LRP1B: variants seen among roughly 807,000 people sequenced by gnomAD.
LRP1B encodes low-density lipoprotein receptor-related protein 1B.
A neutral mutation model predicts 556.6 loss-of-function variants in LRP1B; 217 were observed. The ratio of observed to expected loss-of-function variants is 0.39; its 90% CI spans 0.35 to 0.44. LRP1B has a LOEUF of 0.44. LRP1B is among the 20% of genes least tolerant of loss of function. LRP1B has a pLI of 1.00. For missense variants in LRP1B, 5,053 were observed against 5,620.8 expected (o/e 0.90, Z 3.23); for synonymous variants, 2,047 against 1,865.8 (o/e 1.10, Z -2.50).
chr2:141,921,206 C>A (rs1700176494), intron 1 of LRP1B, among the ~76,000 whole-genome samples: 1 of 151,932 alleles, frequency 6.6e-6, no homozygotes, highest in Non-Finnish European at 1.5e-5. Flanking sequence ...AAAGAAACTG[C>A]ATTTTAACGG....
At position 141,884,429 on chromosome 2, in the gene LRP1B, G is replaced by A. The variant is rs6759563; in HGVS notation, c.83-74028C>T. Among the ~76,000 whole-genome samples the A allele has an allele frequency of 3.2e-3, 489 of 152,154 alleles. 2 individuals carry two copies. Among genetic ancestry groups the A allele is most frequent in the African/African-American group, 0.011 (475 of 41,532 alleles). On this transcript the variant is annotated intron_variant, in intron 1 of 90. Transcript: ENST00000389484. ...ATCAAGGTAATTTTTCTGGATCTAAGAAATGTTAAAGATCTAAAGAGCCCA... is the reference window on the plus strand; with the variant it reads ...ATCAAGGTAATTTTTCTGGATCTAAAAAATGTTAAAGATCTAAAGAGCCCA...
intron 7 of LRP1B, among the ~76,000 whole-genome samples, chr2:141,079,439 CA>C (rs1428715993): frequency 6.6e-6 from 1 of 152,174 alleles, no homozygotes; most frequent in Non-Finnish European, 1.5e-5. Context: ...AGTTTTCCTA[CA>C]TATGTAAATA....
intron 7 of LRP1B, among the ~76,000 whole-genome samples, chr2:141,079,542 A>G (rs367631201): frequency 6.6e-6 from 1 of 152,218 alleles, no homozygotes; most frequent in African/African-American, 2.4e-5. Context: ...TGAGCACACT[A>G]TAATAATCCT....
intron 14 of LRP1B, among the ~76,000 whole-genome samples, chr2:141,007,658 A>C (rs1697616796): frequency 6.6e-6 from 1 of 151,750 alleles, no homozygotes; most frequent in African/African-American, 2.4e-5. Flanking sequence ...TTTTAGTAGC[A>C]TTCAGATTCT....
Position 141,498,104 on chromosome 2 carries a change from G to A in LRP1B, c.206-17571C>T, listed in dbSNP as rs1390163551. ...GAGCAAATGTACCTATATAACATTA[G>A]TATTTGATGCTAAGATACTATAAAG... On this transcript the variant is annotated intron_variant, in intron 2 of 90. Coordinates refer to ENST00000389484, the MANE Select transcript of LRP1B (RefSeq NM_018557.3). 3.3e-5 allele frequency among the ~76,000 whole-genome samples: 5 copies of A among 152,026 alleles called. No homozygotes were observed. In the East Asian group the frequency reaches 9.7e-4, roughly 29 times the overall value.
chr2:140,763,324 T>C (rs1320341160), intron 35 of LRP1B, among the ~76,000 whole-genome samples: 2 of 152,012 alleles, frequency 1.3e-5, no homozygotes, highest in Non-Finnish European at 2.9e-5. Context: ...CATTCAATTC[T>C]GAATGTACCA....
At chr2:140,551,919 A>T (rs865805169) in intron 43 of LRP1B, among the ~76,000 whole-genome samples, 1 of 152,198 alleles carries the variant, frequency 6.6e-6, no homozygotes, top group African/African-American at 2.4e-5. Context: ...TGTGCAATAC[A>T]TAATTTAATC....
intron 78 of LRP1B, 60 bp downstream of exon 78, chr2:140,335,555 C>T: frequency 6.0e-6 from 6 of 999,308 alleles, no homozygotes; most frequent in Non-Finnish European, 9.6e-6. Context: ...ATCTATAGAG[C>T]ATAATTTCTA....
At chr2:140,392,160 CCTGT>C (rs1268796363) in intron 66 of LRP1B, among the ~76,000 whole-genome samples, 1 of 152,244 alleles carries the variant, frequency 6.6e-6, no homozygotes, top group South Asian at 2.1e-4. Context: ...ATCAGGCAAA[CCTGT>C]CTTTCTCTTT....
chr2:141,754,506 A>G (rs945636970), intron 2 of LRP1B, among the ~76,000 whole-genome samples: 3 of 152,202 alleles, frequency 2.0e-5, no homozygotes, highest in African/African-American at 7.2e-5. Context: ...TAATAATACC[A>G]TATTTAGTGT....
rs146733514 is a variant in LRP1B, at chr2:140,373,193, C to T, written c.10639-56G>A. On this transcript the variant is annotated intron_variant, in intron 68 of 90. Coordinates refer to ENST00000389484, the MANE Select transcript of LRP1B (RefSeq NM_018557.3). ...TTAAAATTTTAGAAACACTTCTACA[C>T]ACTCAAAAGACAAGAAAACTTATGT... 12 of 1,473,456 alleles carry T rather than the reference C, an allele frequency of 8.1e-6. No individual in the cohort carries two copies. In the African/African-American group the frequency reaches 1.4e-4, roughly 17 times the overall value. 91.3% of individuals were successfully genotyped at this position (1,473,456 alleles called of 1,614,324 possible). A position where few individuals can be genotyped will look rare whatever the true frequency, so the allele number is the denominator to read the frequency against.
chr2:141,658,045 T>G (rs2118275), intron 2 of LRP1B, among the ~76,000 whole-genome samples: 35,407 of 152,134 alleles, frequency 0.23, 4,812 homozygotes, highest in East Asian at 0.53. Context: ...ATTTATTTCC[T>G]CTGGTGTGAT....
At chr2:140,783,422 T>G (rs1689769734) in intron 32 of LRP1B, among the ~76,000 whole-genome samples, 1 of 152,136 alleles carries the variant, frequency 6.6e-6, no homozygotes, top group Non-Finnish European at 1.5e-5. Context: ...CTGGGTGTCT[T>G]GTATTTTATC....
intron 2 of LRP1B, among the ~76,000 whole-genome samples, chr2:141,761,654 C>T (rs1202985320): frequency 2.0e-5 from 3 of 152,122 alleles, no homozygotes; most frequent in African/African-American, 7.2e-5. Flanking sequence ...CACTGAACAG[C>T]ATCTCAATCC....
At chr2:140,461,411 T>A (rs137867701) in intron 60 of LRP1B, among the ~76,000 whole-genome samples, 1 of 152,316 alleles carries the variant, frequency 6.6e-6, no homozygotes, top group East Asian at 1.9e-4. Context: ...TGAGTTAGTA[T>A]GTCAATAGAC....
chr2:141,240,074 A>G (rs574632893), intron 5 of LRP1B, among the ~76,000 whole-genome samples: 15 of 152,198 alleles, frequency 9.9e-5, no homozygotes, highest in African/African-American at 3.4e-4. Flanking sequence ...CTTTTGTGGG[A>G]GTCATCGACA....
intron 2 of LRP1B, among the ~76,000 whole-genome samples, chr2:141,752,054 A>G (rs1694135092): frequency 6.6e-6 from 1 of 151,996 alleles, no homozygotes; most frequent in African/African-American, 2.4e-5. Flanking sequence ...TTTTCCCAAT[A>G]TACATTAATC....
At chr2:140,255,446 C>A in intron 86 of LRP1B, among the ~76,000 whole-genome samples, 1 of 152,256 alleles carries the variant, frequency 6.6e-6, no homozygotes, top group Non-Finnish European at 1.5e-5. Context: ...CACTGTACAA[C>A]ACAAATATAC....
intron 82 of LRP1B, among the ~76,000 whole-genome samples, chr2:140,315,891 T>C (rs1004257144): frequency 1.3e-5 from 2 of 152,074 alleles, no homozygotes; most frequent in Non-Finnish European, 2.9e-5. Flanking sequence ...CTAAAAGTCA[T>C]TGAGATTTGG....
Sources: allele counts gnomAD v4.1 joint callset (sites outside exome capture counted in the v4.1 genomes callset), GRCh38; gene constraint gnomAD v4.1.1; transcripts MANE v1.5; gene names NCBI Gene and HGNC (gene_info 2026-07-23, HGNC 2026-07-21).